FAT3: variants seen among roughly 807,000 people sequenced by gnomAD.
FAT3 encodes the protein FAT atypical cadherin 3.
FAT3 carries 95 observed loss-of-function variants against 310.2 expected under a neutral mutation model. The ratio of observed to expected loss-of-function variants is 0.31; its 90% confidence interval spans 0.26 to 0.36. The LOEUF is 0.36. Ranked by LOEUF, FAT3 falls within the 10% of genes least tolerant of loss-of-function variation. The pLI is 1.00. For synonymous variants in FAT3, 2,314 were observed against 2,192.9 expected (o/e 1.06, Z -1.54); for missense variants, 5,408 against 5,715.6 (o/e 0.95, Z 1.74).
At chr11:92,675,425 A>G (rs533404633) in intron 3 of FAT3, among the ~76,000 whole-genome samples, 134 of 152,334 alleles carry the variant, frequency 8.8e-4, no homozygotes, top group Middle Eastern at 3.4e-3. Context: ...AATTTAAAGC[A>G]TACCCAAGAG....
In FAT3 at chr11:92,891,041, G is replaced by A. The variant is rs2136450175; in HGVS notation, c.13698G>A (p.Glu4566=). The change falls in exon 28 of 28, where the codon GAG becomes GAA. Residue 4566 remains glutamate (E), a synonymous_variant. Coordinates refer to ENST00000525166, the MANE Select transcript of FAT3 (RefSeq NM_001367949.2). ...CCGAAGTAGCCATGAGTGACTACGA[G>A]AGCGTGGGAGAGCTCAGCCTCGCCA... ...DDSEVAMSDY[E]SVGELSLASL... 1 of 1,613,824 alleles carries A rather than the reference G, an allele frequency of 6.2e-7. No homozygotes were observed. The highest frequency in any genetic ancestry group is 1.1e-5 in the South Asian group (1 of 91,016).
intron 13 of FAT3, among the ~76,000 whole-genome samples, chr11:92,817,619 A>G (rs1183972618): frequency 6.6e-6 from 1 of 152,222 alleles, no homozygotes; most frequent in Non-Finnish European, 1.5e-5. Context: ...CAGAGGGAAG[A>G]TACTGGAATG....
intron 4 of FAT3, among the ~76,000 whole-genome samples, chr11:92,720,601 T>C (rs1944833259): frequency 6.6e-6 from 1 of 152,198 alleles, no homozygotes; most frequent in African/African-American, 2.4e-5. Flanking sequence ...GACGAAAGTG[T>C]GGTGAAAAGT....
intron 16 of FAT3, among the ~76,000 whole-genome samples, chr11:92,837,223 A>G (rs1591797597): frequency 6.6e-6 from 1 of 152,370 alleles, no homozygotes; most frequent in South Asian, 2.1e-4. Flanking sequence ...AAAAGCAGAT[A>G]GACTCTACTG....
chr11:92,347,778 T>C (rs1948456016), intron 1 of FAT3, among the ~76,000 whole-genome samples: 1 of 152,184 alleles, frequency 6.6e-6, no homozygotes, highest in African/African-American at 2.4e-5. Flanking sequence ...TCTTTGGAGA[T>C]TATATCAAAA....
At chr11:92,459,171 A>G (rs1282224230) in intron 2 of FAT3, among the ~76,000 whole-genome samples, 1 of 152,204 alleles carries the variant, frequency 6.6e-6, no homozygotes, top group Non-Finnish European at 1.5e-5. Context: ...TGGATGCCTG[A>G]ATGGTGCAGC....
At chr11:92,439,572 T>C (rs569846957) in intron 2 of FAT3, among the ~76,000 whole-genome samples, 1 of 152,156 alleles carries the variant, frequency 6.6e-6, no homozygotes, top group Admixed American at 6.5e-5. Context: ...GTTTAGTCCC[T>C]GGATTGCAGT....
At position 92,806,441 on chromosome 11, in the gene FAT3, T is replaced by C. The variant is rs368207696; in HGVS notation, c.9173T>C (p.Ile3058Thr). The change falls in exon 12 of 28, where the codon ATT (isoleucine) becomes ACT (threonine). Residue 3058 changes from isoleucine to threonine, a missense_variant. Transcript: ENST00000525166. ...AAAGTCAGTGCAAAGGATGCTGATATTGGATCCAATGGATATATACGATAC... is the reference window on the plus strand; with the variant it reads ...AAAGTCAGTGCAAAGGATGCTGATACTGGATCCAATGGATATATACGATAC... ...ILKVSAKDAD[I>T]GSNGYIRYSL... is the part of the protein sequence containing the mutation. 6.3e-7 allele frequency: 1 copy of C among 1,583,310 alleles called. No homozygotes were observed. The highest frequency in any genetic ancestry group is 1.2e-5 in the South Asian group (1 of 86,574).
At position 92,496,187 on chromosome 11, in the gene FAT3, C is replaced by T. The variant is rs184165378; in HGVS notation, c.3293-28447C>T. Among the ~76,000 whole-genome samples, 222 of 152,106 alleles carry T rather than the reference C, an allele frequency of 1.5e-3. 1 individual carries two copies. The South Asian group carries it at 0.015, about 10-fold the overall frequency. ...ACAATTAATACAAGCTGCTGGGTTTCGTAACGTATGTAGCCTTTTGCTTAA... is the reference window on the plus strand; with the variant it reads ...ACAATTAATACAAGCTGCTGGGTTTTGTAACGTATGTAGCCTTTTGCTTAA... On this transcript the variant is annotated intron_variant, in intron 2 of 27. Coordinates refer to ENST00000525166, the MANE Select transcript of FAT3 (RefSeq NM_001367949.2).
intron 1 of FAT3, among the ~76,000 whole-genome samples, chr11:92,281,643 T>C (rs976012422): frequency 2.0e-5 from 3 of 152,288 alleles, no homozygotes; most frequent in East Asian, 3.9e-4. Context: ...GAGCCTAGCA[T>C]AGTAACTGCC....
intron 3 of FAT3, among the ~76,000 whole-genome samples, chr11:92,552,510 C>T (rs1056849798): frequency 6.6e-6 from 1 of 151,856 alleles, no homozygotes; most frequent in Non-Finnish European, 1.5e-5. Flanking sequence ...TTACTATTGC[C>T]AATAAAATAG....
chr11:92,552,576 A>G (rs1954856442), intron 3 of FAT3, among the ~76,000 whole-genome samples: 1 of 152,176 alleles, frequency 6.6e-6, no homozygotes, highest in South Asian at 2.1e-4. Flanking sequence ...AAATGAGTTC[A>G]TATGGTAAAA....
At chr11:92,875,252 C>G (rs1262326050) in intron 22 of FAT3, among the ~76,000 whole-genome samples, 1 of 138,014 alleles carries the variant, frequency 7.2e-6, no homozygotes, top group Non-Finnish European at 1.6e-5. Context: ...ATTTAAAGTT[C>G]TAAAAGCAAG....
intron 2 of FAT3, among the ~76,000 whole-genome samples, chr11:92,402,251 A>G (rs960072984): frequency 6.6e-6 from 1 of 152,224 alleles, no homozygotes; most frequent in African/African-American, 2.4e-5. Context: ...GGGAAAAAAT[A>G]TTGATGAACT....
At chr11:92,417,205 A>T (rs769932329) in intron 2 of FAT3, among the ~76,000 whole-genome samples, 3 of 152,160 alleles carry the variant, frequency 2.0e-5, no homozygotes, top group Non-Finnish European at 4.4e-5. Flanking sequence ...CTAACCTATT[A>T]TGCAAGTTTT....
intron 3 of FAT3, among the ~76,000 whole-genome samples, chr11:92,537,150 C>A (rs969237642): frequency 6.6e-6 from 1 of 152,116 alleles, no homozygotes; most frequent in African/African-American, 2.4e-5. Flanking sequence ...TTCAACCTAA[C>A]CCTGAGCGGG....
chr11:92,334,792 C>A (rs1355109286), intron 1 of FAT3, among the ~76,000 whole-genome samples: 1 of 152,140 alleles, frequency 6.6e-6, no homozygotes, highest in Non-Finnish European at 1.5e-5. Flanking sequence ...CAGCCCCAGG[C>A]CAGCATATGT....
intron 2 of FAT3, among the ~76,000 whole-genome samples, chr11:92,397,224 C>T (rs1949889656): frequency 6.6e-6 from 1 of 151,992 alleles, no homozygotes; most frequent in African/African-American, 2.4e-5. Context: ...AAAAAATTAA[C>T]TGCGATTTTT....
chr11:92,733,550 A>C (rs1386071903), intron 4 of FAT3, among the ~76,000 whole-genome samples: 1 of 152,170 alleles, frequency 6.6e-6, no homozygotes, highest in Non-Finnish European at 1.5e-5. Context: ...CGAAGCATAC[A>C]TGCAGAGTTG....
Sources: gnomAD v4.1 joint callset for allele counts (sites outside exome capture counted in the v4.1 genomes callset) on GRCh38, gnomAD v4.1.1 for gene constraint, MANE v1.5 for transcripts, NCBI Gene and HGNC (gene_info 2026-07-23, HGNC 2026-07-21) for gene names.